The following ABHD12 variants were observed in gnomAD, a reference collection of about 807,000 sequenced individuals.
ABHD12 encodes lysophosphatidylserine lipase ABHD12.
Under a neutral mutation model 58.3 loss-of-function variants are expected in ABHD12, and 43 were observed. The observed-to-expected ratio is 0.74, with a 90% CI of 0.58 to 0.95. The LOEUF is 0.95. ABHD12 is among the 40% of genes least tolerant of loss of function. The pLI, the probability that ABHD12 is intolerant of heterozygous loss-of-function variation, is 0.00. For missense variants in ABHD12, 539 were observed against 537.2 expected (o/e 1.00, Z -0.03); for synonymous variants, 219 against 211.2 (o/e 1.04, Z -0.32).
intron 1 of ABHD12, among the ~76,000 whole-genome samples, chr20:25,341,300 AG>A (rs1246748929): frequency 6.6e-6 from 1 of 152,254 alleles, no homozygotes; most frequent in African/African-American, 2.4e-5. Flanking sequence ...GATCTGAGCT[AG>A]CTGGGCTACC....
chr20:25,307,460 C>T (rs2088766219), intron 9 of ABHD12, among the ~76,000 whole-genome samples: 1 of 152,216 alleles, frequency 6.6e-6, no homozygotes, highest in South Asian at 2.1e-4. Flanking sequence ...AAATAACTGG[C>T]TAGGTTTTAA....
chr20:25,295,565 C>T (rs199652263), downstream of ABHD12: 141 of 1,584,678 alleles, frequency 8.9e-5, no homozygotes, highest in Admixed American at 3.3e-4. Context: ...GGGCAGGGCT[C>T]CCTGCTGCCC....
At chr20:25,326,481 A>G (rs951229217) in intron 2 of ABHD12, among the ~76,000 whole-genome samples, 1 of 152,214 alleles carries the variant, frequency 6.6e-6, no homozygotes, top group Admixed American at 6.5e-5. Flanking sequence ...GAATTTACCA[A>G]ACTCATAGGT....
intron 1 of ABHD12, among the ~76,000 whole-genome samples, chr20:25,380,444 A>G (rs2090009384): frequency 6.6e-6 from 1 of 152,058 alleles, no homozygotes; most frequent in South Asian, 2.1e-4. Flanking sequence ...TTGATATCTA[A>G]TATCACTGCT....
rs1245862861 is a variant in ABHD12, at chr20:25,390,749, G to A, written c.-46C>T. The A allele has an allele frequency of 4.1e-6, 5 of 1,215,514 alleles. No individual in the cohort carries two copies. Among genetic ancestry groups the A allele is most frequent in the East Asian group, 7.1e-5 (2 of 28,140 alleles). The allele number at this position is 1,215,514 out of a possible 1,614,324, so 75.3% of individuals were successfully genotyped here. A position where few individuals can be genotyped will look rare whatever the true frequency, so the allele number is the denominator to read the frequency against. On this transcript the variant is annotated 5_prime_UTR_variant, in exon 1 of 13. Transcript: ENST00000339157. ...CCGCCGACGGCGCCCGCTGGCCTGC[G>A]CCGCAGTGCCGCCGCTCACAGCCGC... is the stretch of plus-strand genomic sequence containing the variant.
rs113136014 is a variant in ABHD12 at position 25,321,896 on chromosome 20, C to T, written c.422+1429G>A. On this transcript the variant is annotated intron_variant, in intron 3 of 12. Transcript: ENST00000339157. The stretch of plus-strand genomic sequence containing the variant: ...ACCAACTACTAAGAACAAAAATCTC[C>T]CTTCTTGTTTTATGTTCTTTACCAA... Among the ~76,000 whole-genome samples the T allele has an allele frequency of 6.9e-3, 1,054 of 152,274 alleles. 5 individuals carry two copies. Among genetic ancestry groups the T allele is most frequent in the Middle Eastern group, 0.02 (6 of 294 alleles).
chr20:25,322,382 T>TATATATATATATATA (rs1491359839), intron 3 of ABHD12, among the ~76,000 whole-genome samples: 23 of 38,260 alleles, frequency 6.0e-4, no homozygotes, highest in African/African-American at 1.8e-3. Context: ...TATATATATA[T>TATATATATATATATA]TTTTTTTTTT....
At chr20:25,385,843 A>C (rs1444834945) in intron 1 of ABHD12, among the ~76,000 whole-genome samples, 5 of 152,094 alleles carry the variant, frequency 3.3e-5, no homozygotes, top group African/African-American at 1.2e-4. Context: ...TGACACCTGT[A>C]ATCCCAGCAC....
chr20:25,298,904 G>A (rs896606031), downstream of ABHD12, among the ~76,000 whole-genome samples: 4 of 152,178 alleles, frequency 2.6e-5, no homozygotes, highest in Non-Finnish European at 5.9e-5. Context: ...GCATCTGGGC[G>A]GGCGGCACCA....
chr20:25,307,828 A>T, intron 9 of ABHD12, 138 bp downstream of exon 9: 1 of 376,614 alleles, frequency 2.7e-6, no homozygotes, highest in Non-Finnish European at 4.5e-6. Context: ...AACTAGTATT[A>T]ATTTTTAATG....
At chr20:25,338,140 A>T (rs2089403034) in intron 2 of ABHD12, among the ~76,000 whole-genome samples, 1 of 152,014 alleles carries the variant, frequency 6.6e-6, no homozygotes, top group Non-Finnish European at 1.5e-5. Flanking sequence ...TGAACACCCA[A>T]ACTCATAAGC....
chr20:25,345,824 CA>C (rs1377303912), intron 1 of ABHD12, among the ~76,000 whole-genome samples: 1 of 152,194 alleles, frequency 6.6e-6, no homozygotes, highest in East Asian at 1.9e-4. Flanking sequence ...AATTCTCATT[CA>C]TTCCCAGTGG....
chr20:25,342,416 T>C (rs1445574119), intron 1 of ABHD12, among the ~76,000 whole-genome samples: 1 of 152,144 alleles, frequency 6.6e-6, no homozygotes. Flanking sequence ...ACACCACATT[T>C]TATTGCACTT....
At position 25,305,466 on chromosome 20, in the gene ABHD12, G is replaced by A. The variant is rs187788134; in HGVS notation, c.950+1367C>T. ...CAACCTCTGCCTCCCGGGTTCAAGC[G>A]ATTCTCCTGCCTCAGCCTCCTGATT... On this transcript the variant is annotated intron_variant, in intron 10 of 12. Transcript: ENST00000339157. 1.2e-3 allele frequency among the ~76,000 whole-genome samples: 181 copies of A among 150,612 alleles called. 1 individual carries two copies. Among genetic ancestry groups the A allele is most frequent in the African/African-American group, 4.2e-3 (171 of 41,028 alleles).
chr20:25,353,801 C>T (rs2089633333), intron 1 of ABHD12, among the ~76,000 whole-genome samples: 1 of 152,234 alleles, frequency 6.6e-6, no homozygotes, highest in African/African-American at 2.4e-5. Flanking sequence ...GGACACACTG[C>T]TCACTTCGCC....
At chr20:25,369,461 C>T (rs1034483157) in intron 1 of ABHD12, among the ~76,000 whole-genome samples, 1 of 152,128 alleles carries the variant, frequency 6.6e-6, no homozygotes, top group African/African-American at 2.4e-5. Context: ...TACTCAGGAA[C>T]CTGTCTTGCA....
In ABHD12 at chr20:25,390,488, C is replaced by G. The variant is rs1234223689; in HGVS notation, c.191+25G>C. ...AAAGTGAGGGACCGGCCCCCCCCCC[C>G]CCCCCGCTCCGCGCGAAGCCTCACC... On this transcript the variant is annotated intron_variant, in intron 1 of 12. Coordinates refer to ENST00000339157, the MANE Select transcript of ABHD12 (RefSeq NM_001042472.3). 84 of 1,311,024 alleles carry G rather than the reference C, an allele frequency of 6.4e-5. 7 individuals are homozygous for G. In the African/African-American group the frequency reaches 1.3e-3, roughly 20 times the overall value. 81.2% of individuals were successfully genotyped at this position (1,311,024 alleles called of 1,614,324 possible).
chr20:25,303,715 G>C, intron 10 of ABHD12, 87 bp from the exon 11 acceptor site: 1 of 1,575,852 alleles, frequency 6.3e-7, no homozygotes, highest in Non-Finnish European at 8.6e-7. Context: ...TCTGGGTTCA[G>C]GGTGTGTTTT....
chr20:25,302,088 C>T (rs1038794606), intron 12 of ABHD12, 131 bp downstream of exon 12: 9 of 1,336,804 alleles, frequency 6.7e-6, no homozygotes, highest in Non-Finnish European at 9.4e-6. Flanking sequence ...AAATGGAAGG[C>T]TCCCAAATCA....
Sources: allele counts gnomAD v4.1 joint callset (sites outside exome capture counted in the v4.1 genomes callset), GRCh38; gene constraint gnomAD v4.1.1; transcripts MANE v1.5; gene names NCBI Gene and HGNC (gene_info 2026-07-23, HGNC 2026-07-21).